Variants in ELMO1 observed in about 807,000 individuals in gnomAD.
ELMO1 encodes the protein engulfment and cell motility protein 1.
ELMO1 carries 26 observed loss-of-function variants against 98.9 expected under a neutral mutation model. The ratio of observed to expected loss-of-function variants is 0.26; its 90% CI spans 0.19 to 0.36. The LOEUF (loss-of-function observed/expected upper bound fraction) is 0.36, where lower values mean the gene tolerates loss of function less well. ELMO1 is among the 10% of genes least tolerant of loss of function. The pLI, the probability that ELMO1 is intolerant of heterozygous loss-of-function variation, is 1.00. For synonymous variants in ELMO1, 346 were observed against 346.0 expected (o/e 1.00, Z 0.00); for missense variants, 627 against 935.2 (o/e 0.67, Z 4.30).
chr7:37,053,769 G>C (rs986852951), intron 15 of ELMO1, among the ~76,000 whole-genome samples: 1 of 151,920 alleles, frequency 6.6e-6, no homozygotes, highest in Non-Finnish European at 1.5e-5. Context: ...CTTTCTCCTC[G>C]GGTTATTGAT....
At chr7:37,104,839 T>G (rs1584650522) in intron 14 of ELMO1, among the ~76,000 whole-genome samples, 1 of 148,738 alleles carries the variant, frequency 6.7e-6, no homozygotes, top group South Asian at 2.1e-4. Flanking sequence ...ATATAATGAG[T>G]CAGACTGGTG....
chr7:37,079,962 T>C (rs1407646600), intron 15 of ELMO1, among the ~76,000 whole-genome samples: 1 of 152,220 alleles, frequency 6.6e-6, no homozygotes. Context: ...TATCCAACTA[T>C]GAAATCAACA....
intron 13 of ELMO1, among the ~76,000 whole-genome samples, chr7:37,189,195 G>T (rs1791425518): frequency 6.6e-6 from 1 of 152,176 alleles, no homozygotes; most frequent in Admixed American, 6.5e-5. Flanking sequence ...GTACATGAAA[G>T]ATTCAAACTG....
intron 15 of ELMO1, among the ~76,000 whole-genome samples, chr7:37,038,852 TAGAA>T (rs1326140398): frequency 6.6e-6 from 1 of 152,206 alleles, no homozygotes; most frequent in African/African-American, 2.4e-5. Flanking sequence ...CCTCACATGG[TAGAA>T]AGAGAGAGAT....
At chr7:37,156,956 A>AAGCTTAT (rs1788813433) in intron 13 of ELMO1, among the ~76,000 whole-genome samples, 1 of 152,194 alleles carries the variant, frequency 6.6e-6, no homozygotes, top group Admixed American at 6.5e-5. Flanking sequence ...GCACATCAAA[A>AAGCTTAT]AGCTTATCCA....
intron 16 of ELMO1, among the ~76,000 whole-genome samples, chr7:37,004,895 G>A (rs766938180): frequency 3.3e-5 from 5 of 152,024 alleles, no homozygotes; most frequent in Admixed American, 6.6e-5. Context: ...TGGATCATGA[G>A]GTCAGGATAG....
chr7:37,404,813 T>TG (rs1186524192), intron 1 of ELMO1, among the ~76,000 whole-genome samples: 4 of 152,220 alleles, frequency 2.6e-5, no homozygotes, highest in African/African-American at 9.6e-5. Flanking sequence ...AAATAGATTG[T>TG]GGTCGCAACT....
At position 37,001,334 on chromosome 7, in the gene ELMO1, G is replaced by A. The variant is rs531256343; in HGVS notation, c.1437+11965C>T. On this transcript the variant is annotated intron_variant, in intron 16 of 21. Coordinates refer to ENST00000310758, the MANE Select transcript of ELMO1 (RefSeq NM_014800.11). Reference sequence around the variant, plus strand: ...TATATGAATTCAGCTTACTGGTCAGGTGGACCATTTTTAATGATCATTGAA... The same window carrying A: ...TATATGAATTCAGCTTACTGGTCAGATGGACCATTTTTAATGATCATTGAA... Among the ~76,000 whole-genome samples, 6 of 152,158 alleles carry A rather than the reference G, an allele frequency of 3.9e-5. 1 individual carries two copies. The East Asian group carries it at 5.8e-4, about 15-fold the overall frequency.
intron 14 of ELMO1, among the ~76,000 whole-genome samples, chr7:37,120,646 G>T (rs1785948330): frequency 1.3e-5 from 2 of 152,208 alleles, no homozygotes; most frequent in Admixed American, 6.5e-5. Context: ...ACTGGGTGGA[G>T]CCCACCTCAG....
intron 16 of ELMO1, among the ~76,000 whole-genome samples, chr7:36,925,224 T>C (rs1785461136): frequency 1.3e-5 from 2 of 152,208 alleles, no homozygotes; most frequent in African/African-American, 4.8e-5. Context: ...TGCCAGTAGA[T>C]TTTTAAAAAC....
intron 4 of ELMO1, among the ~76,000 whole-genome samples, chr7:37,292,417 C>T (rs77887712): frequency 3.7e-5 from 2 of 53,664 alleles, no homozygotes; most frequent in Non-Finnish European, 1.1e-4. Flanking sequence ...CCATCATCTG[C>T]GATGTGAGGA....
At chr7:37,356,951 C>T (rs953196022) in intron 1 of ELMO1, among the ~76,000 whole-genome samples, 5 of 152,162 alleles carry the variant, frequency 3.3e-5, no homozygotes, top group Non-Finnish European at 7.3e-5. Context: ...CTTCCTTCTT[C>T]CTTCTCCCCA....
intron 8 of ELMO1, among the ~76,000 whole-genome samples, chr7:37,226,344 T>C (rs1443601129): frequency 6.6e-6 from 1 of 152,324 alleles, no homozygotes; most frequent in South Asian, 2.1e-4. Context: ...TTTACTATCC[T>C]TGGCAAGCCC....
At chr7:36,974,662 A>G (rs976143463) in intron 16 of ELMO1, among the ~76,000 whole-genome samples, 2 of 152,206 alleles carry the variant, frequency 1.3e-5, no homozygotes, top group Admixed American at 6.5e-5. Context: ...AGATAAGAGA[A>G]TAAAAGCAGG....
At chr7:37,193,548 C>A (rs769364788) in intron 13 of ELMO1, among the ~76,000 whole-genome samples, 1 of 152,146 alleles carries the variant, frequency 6.6e-6, no homozygotes, top group Non-Finnish European at 1.5e-5. Flanking sequence ...TCGGGGGGCT[C>A]CCTGCAGGAG....
chr7:37,413,640 A>C (rs2052684), intron 1 of ELMO1, among the ~76,000 whole-genome samples: 25,486 of 152,076 alleles, frequency 0.17, 2,318 homozygotes, highest in South Asian at 0.26. Flanking sequence ...AAGTTCCAGC[A>C]TGTCACTCAG....
intron 16 of ELMO1, among the ~76,000 whole-genome samples, chr7:36,920,180 T>C (rs1275434207): frequency 6.6e-6 from 1 of 152,234 alleles, no homozygotes; most frequent in Non-Finnish European, 1.5e-5. Flanking sequence ...CTACAGGGCT[T>C]ATGAACTACC....
At position 37,182,462 on chromosome 7, in the gene ELMO1, CTTTTTT is replaced by C. The variant is rs59657539; in HGVS notation, c.1086+28918_1086+28923del. Among the ~76,000 whole-genome samples the C allele has an allele frequency of 2.7e-4, 4 of 14,706 alleles. 1 individual carries two copies. The highest frequency in any genetic ancestry group is 2.6e-4 in the African/African-American group (2 of 7,552). 9.6% of individuals were successfully genotyped at this position (14,706 alleles called of 152,430 possible). ...AGATCATGAGTGCTCTTGTGCTCTA[CTTTTTT>C]TTTTTTTTTTTTTTTTTTTTGAGAC... On this transcript the variant is annotated intron_variant, in intron 13 of 21. Transcript: ENST00000310758.
intron 13 of ELMO1, among the ~76,000 whole-genome samples, chr7:37,193,068 A>C (rs1270526954): frequency 6.6e-6 from 1 of 150,474 alleles, no homozygotes; most frequent in African/African-American, 2.4e-5. Flanking sequence ...ATACAAAACA[A>C]AACATTGCAG....
Sources: gnomAD v4.1 joint callset for allele counts (sites outside exome capture counted in the v4.1 genomes callset) on GRCh38, gnomAD v4.1.1 for gene constraint, MANE v1.5 for transcripts, NCBI Gene and HGNC (gene_info 2026-07-23, HGNC 2026-07-21) for gene names.